Variants in EFHC2 observed in about 807,000 individuals in gnomAD.
EFHC2 encodes EF-hand domain containing 2, also known as EF-hand domain-containing family member C2.
Under a neutral mutation model 52.7 loss-of-function variants are expected in EFHC2, and 18 were observed. The ratio of observed to expected loss-of-function variants is 0.34; its 90% CI spans 0.24 to 0.51. The LOEUF (loss-of-function observed/expected upper bound fraction) is 0.51. EFHC2 is among the 20% of genes least tolerant of loss of function. EFHC2 has a pLI of 0.97. For synonymous variants in EFHC2, 203 were observed against 204.1 expected (o/e 0.99, Z 0.04); for missense variants, 513 against 562.5 (o/e 0.91, Z 0.89).
intron 7 of EFHC2, among the ~76,000 whole-genome samples, chrX:44,245,306 T>C (rs1199787410): frequency 1.8e-5 from 2 of 112,304 alleles, no homozygotes; most frequent in Non-Finnish European, 3.8e-5. Flanking sequence ...ATGAACAATC[T>C]TGTTACTAGT....
At chrX:44,188,107 G>A (rs2036891376) in intron 11 of EFHC2, among the ~76,000 whole-genome samples, 1 of 107,856 alleles carries the variant, frequency 9.3e-6, no homozygotes, top group Non-Finnish European at 1.9e-5. Flanking sequence ...AGTATCTGGG[G>A]ACTGCAGGTA....
intron 11 of EFHC2, among the ~76,000 whole-genome samples, chrX:44,200,463 C>T (rs1191084576): frequency 4.5e-5 from 5 of 110,727 alleles, no homozygotes; most frequent in East Asian, 2.8e-4. Flanking sequence ...CAAGATGCTA[C>T]GGAAAAGGAT....
intron 11 of EFHC2, among the ~76,000 whole-genome samples, chrX:44,195,354 C>T (rs1213736252): frequency 8.9e-6 from 1 of 111,939 alleles, no homozygotes; most frequent in African/African-American, 3.2e-5. Flanking sequence ...CTGGGCCCAG[C>T]TCAGATCAAC....
chrX:44,159,823 A>C (rs1361487873), intron 14 of EFHC2, among the ~76,000 whole-genome samples: 2 of 112,899 alleles, frequency 1.8e-5, no homozygotes, highest in African/African-American at 6.4e-5. Flanking sequence ...TAACCTTGGC[A>C]GGGACTGCCC....
chrX:44,299,634 G>A (rs1051336268), intron 2 of EFHC2, among the ~76,000 whole-genome samples: 7 of 111,583 alleles, frequency 6.3e-5, no homozygotes, highest in African/African-American at 1.3e-4. Flanking sequence ...ATGAAAGCAA[G>A]CTGTACCCCG....
At chrX:44,288,409 G>T (rs1479322401) in intron 2 of EFHC2, among the ~76,000 whole-genome samples, 5 of 108,886 alleles carry the variant, frequency 4.6e-5, no homozygotes, top group South Asian at 3.8e-4. Flanking sequence ...AAAGTAAAAA[G>T]TAAAAATTAA....
At chrX:44,151,929 T>A (rs2036573574) in intron 14 of EFHC2, among the ~76,000 whole-genome samples, 1 of 111,763 alleles carries the variant, frequency 8.9e-6, no homozygotes, top group Non-Finnish European at 1.9e-5. Context: ...AGAGCTAGAA[T>A]CCAGAACTGT....
At chrX:44,180,693 A>G (rs1197149063) in intron 11 of EFHC2, among the ~76,000 whole-genome samples, 1 of 110,378 alleles carries the variant, frequency 9.1e-6, no homozygotes, top group Admixed American at 9.7e-5. Context: ...AGCTGAGATC[A>G]TGCCACTGCA....
chrX:44,317,677 T>C (rs186972151), intron 1 of EFHC2, among the ~76,000 whole-genome samples: 1 of 112,755 alleles, frequency 8.9e-6, no homozygotes, highest in East Asian at 2.8e-4. Flanking sequence ...TCCCAGCTAC[T>C]CGGGAGGCTG....
At chrX:44,315,766 G>A (rs2037979189) in intron 1 of EFHC2, among the ~76,000 whole-genome samples, 1 of 111,050 alleles carries the variant, frequency 9.0e-6, no homozygotes, top group African/African-American at 3.3e-5. Flanking sequence ...GATGTTCCAA[G>A]CAGGGTTAGG....
intron 2 of EFHC2, among the ~76,000 whole-genome samples, chrX:44,276,269 CTT>C (rs2037657273): frequency 9.0e-6 from 1 of 111,038 alleles, no homozygotes; most frequent in Admixed American, 9.7e-5. Flanking sequence ...AACAATTTTT[CTT>C]TATTTAACTA....
chrX:44,315,897 A>G (rs947548164), intron 1 of EFHC2, among the ~76,000 whole-genome samples: 2 of 111,678 alleles, frequency 1.8e-5, no homozygotes, highest in Non-Finnish European at 3.8e-5. Flanking sequence ...GGAGGACTAT[A>G]TCATGAAAAG....
intron 14 of EFHC2, among the ~76,000 whole-genome samples, chrX:44,162,065 C>T (rs773352351): frequency 8.9e-6 from 1 of 111,746 alleles, no homozygotes; most frequent in East Asian, 2.8e-4. Context: ...ATTTTGAGAT[C>T]TTAGAACAGT....
At chrX:44,263,178 C>T (rs774200620) in intron 3 of EFHC2, among the ~76,000 whole-genome samples, 26 of 112,239 alleles carry the variant, frequency 2.3e-4, no homozygotes, top group Non-Finnish European at 4.5e-4. Context: ...GCAGAACAAA[C>T]TGCAGATCTA....
At chrX:44,167,820 C>T (rs753165189) in intron 13 of EFHC2, among the ~76,000 whole-genome samples, 1 of 111,749 alleles carries the variant, frequency 8.9e-6, no homozygotes, top group African/African-American at 3.3e-5. Flanking sequence ...ATAAAACTAG[C>T]TCATGTTTCT....
chrX:44,223,864 G>A (rs2037212067), intron 11 of EFHC2, among the ~76,000 whole-genome samples: 1 of 111,581 alleles, frequency 9.0e-6, no homozygotes, highest in African/African-American at 3.3e-5. Flanking sequence ...TTCCTTAAAA[G>A]ATGCTAGATT....
intron 3 of EFHC2, among the ~76,000 whole-genome samples, chrX:44,269,736 T>C (rs1255751358): frequency 9.0e-6 from 1 of 111,111 alleles, no homozygotes; most frequent in African/African-American, 3.3e-5. Context: ...ATAATCCTCT[T>C]TTCTTTATAA....
intron 11 of EFHC2, among the ~76,000 whole-genome samples, chrX:44,220,322 G>T (rs947464124): frequency 5.4e-5 from 6 of 111,761 alleles, no homozygotes; most frequent in African/African-American, 1.9e-4. Flanking sequence ...CATGAGTGGG[G>T]TCCTGTGACT....
intron 7 of EFHC2, among the ~76,000 whole-genome samples, chrX:44,247,626 G>GC (rs779183253): frequency 9.0e-6 from 1 of 111,223 alleles, no homozygotes; most frequent in South Asian, 3.8e-4. Context: ...CAGCTTCCAA[G>GC]ACACTCATAA....
Sources: allele counts gnomAD v4.1 joint callset (sites outside exome capture counted in the v4.1 genomes callset), GRCh38; gene constraint gnomAD v4.1.1; transcripts MANE v1.5; gene names NCBI Gene and HGNC (gene_info 2026-07-23, HGNC 2026-07-21).